The following SKAP1 variants were observed in gnomAD, a reference collection of about 807,000 sequenced individuals.
SKAP1 encodes src kinase associated phosphoprotein 1.
Under a neutral mutation model 58.5 loss-of-function variants are expected in SKAP1, and 44 were observed. The observed-to-expected ratio is 0.75, with a 90% CI of 0.59 to 0.97. The LOEUF (loss-of-function observed/expected upper bound fraction) is 0.97, where lower values mean the gene tolerates loss of function less well. Among genes scored for constraint, SKAP1 ranks in the 50% least tolerant of loss-of-function variants. The pLI is 0.00. For missense variants in SKAP1, 390 were observed against 435.2 expected, an observed-to-expected ratio of 0.90 and a Z score of 0.92; for synonymous variants, 127 against 149.7, an observed-to-expected ratio of 0.85 and a Z score of 1.11.
intron 9 of SKAP1, among the ~76,000 whole-genome samples, chr17:48,171,093 GTTTTTTTT>G (rs71141969): frequency 4.3e-5 from 3 of 70,242 alleles, no homozygotes; most frequent in Non-Finnish European, 7.3e-5. Flanking sequence ...AATTACTGTT[GTTTTTTTT>G]TTTTTTTTTT....
chr17:48,257,703 C>T (rs1411624229), intron 4 of SKAP1, among the ~76,000 whole-genome samples: 2 of 141,700 alleles, frequency 1.4e-5, no homozygotes, highest in African/African-American at 5.2e-5. Context: ...GTCTCTCACA[C>T]TGCTCATCTC....
chr17:48,321,630 G>A lies in SKAP1; in HGVS notation c.280+24275C>T, dbSNP rs976321774. On this transcript the variant is annotated intron_variant, in intron 4 of 12. Transcript: ENST00000336915. ...CCTGACCTTGTGATCCGCCAGCCTC[G>A]GCCTCCCAAAGTGCTGGGATTACAG... Among the ~76,000 whole-genome samples, 8 of 151,996 alleles carry A rather than the reference G, an allele frequency of 5.3e-5. No homozygotes were observed. In the East Asian group the frequency reaches 9.7e-4, roughly 18 times the overall value.
intron 11 of SKAP1, among the ~76,000 whole-genome samples, chr17:48,160,798 A>G (rs1352004272): frequency 6.6e-6 from 1 of 152,236 alleles, no homozygotes; most frequent in African/African-American, 2.4e-5. Flanking sequence ...AGGCCTGGTC[A>G]CACCTGAGTG....
chr17:48,232,056 C>G (rs999457214), intron 4 of SKAP1, among the ~76,000 whole-genome samples: 7 of 152,246 alleles, frequency 4.6e-5, no homozygotes, highest in African/African-American at 1.7e-4. Context: ...TTCTTAACCC[C>G]CTTTTCTTCA....
chr17:48,394,582 C>T (rs2067391974), intron 2 of SKAP1, among the ~76,000 whole-genome samples: 3 of 152,286 alleles, frequency 2.0e-5, no homozygotes, highest in South Asian at 4.1e-4. Flanking sequence ...CTCAAGCGAT[C>T]TTCTGGCCTC....
chr17:48,323,783 C>T (rs1297259405), intron 4 of SKAP1, among the ~76,000 whole-genome samples: 1 of 151,952 alleles, frequency 6.6e-6, no homozygotes, highest in Non-Finnish European at 1.5e-5. Context: ...ACAAGAGGAA[C>T]GATGCTGAGT....
intron 4 of SKAP1, among the ~76,000 whole-genome samples, chr17:48,309,751 T>G: frequency 6.6e-6 from 1 of 152,160 alleles, no homozygotes; most frequent in East Asian, 1.9e-4. Flanking sequence ...GTCATGCAAC[T>G]CTTTATTCTT....
chr17:48,270,005 A>C (rs973192257), intron 4 of SKAP1, among the ~76,000 whole-genome samples: 1 of 151,950 alleles, frequency 6.6e-6, no homozygotes, highest in Non-Finnish European at 1.5e-5. Context: ...CCAGCTACTC[A>C]GGAGGCTGAG....
chr17:48,227,901 T>A (rs149623338), intron 4 of SKAP1, among the ~76,000 whole-genome samples: 5 of 152,308 alleles, frequency 3.3e-5, no homozygotes, highest in African/African-American at 1.2e-4. Context: ...TGCTAAATAG[T>A]GCTTAGAACT....
chr17:48,391,600 T>C (rs975492635), intron 2 of SKAP1, among the ~76,000 whole-genome samples: 3 of 152,150 alleles, frequency 2.0e-5, no homozygotes, highest in African/African-American at 7.2e-5. Flanking sequence ...AACTGATGAG[T>C]TGAGTAATAA....
At chr17:48,263,013 T>C (rs2065501353) in intron 4 of SKAP1, among the ~76,000 whole-genome samples, 1 of 152,226 alleles carries the variant, frequency 6.6e-6, no homozygotes, top group Admixed American at 6.5e-5. Flanking sequence ...TGCATTTTTT[T>C]TCAAATGTCT....
Position 48,234,332 on chromosome 17 carries a change from G to A in SKAP1, c.281-44832C>T, listed in dbSNP as rs530919093. 2.0e-5 allele frequency among the ~76,000 whole-genome samples: 3 copies of A among 152,278 alleles called. No homozygotes were observed. The East Asian group carries it at 5.8e-4, about 29-fold the overall frequency. The stretch of plus-strand genomic sequence containing the variant: ...ATTTTAATTATTCCTAAAAGACTGA[G>A]TATACTCCATTGACTACAATAAAGA... On this transcript the variant is annotated intron_variant, in intron 4 of 12. Coordinates refer to ENST00000336915, the MANE Select transcript of SKAP1 (RefSeq NM_003726.4).
intron 1 of SKAP1, among the ~76,000 whole-genome samples, chr17:48,410,097 G>A (rs991643346): frequency 6.6e-6 from 1 of 152,204 alleles, no homozygotes; most frequent in African/African-American, 2.4e-5. Flanking sequence ...TTTGCCATGG[G>A]TGTATGGGTT....
At position 48,182,400 on chromosome 17, in the gene SKAP1, A is replaced by G; in HGVS notation, c.625T>C (p.Leu209=). The change falls in exon 8 of 13, where the codon TTA becomes CTA. Residue 209 remains leucine (L), a synonymous_variant. Coordinates refer to ENST00000336915, the MANE Select transcript of SKAP1 (RefSeq NM_003726.4). ...CTGTAACAATGACACTTACCCTTTA[A>G]CAAGAAACTTATTTGATCCACCCAG... ...RDWVDQISFL[L]KDLSSLTIPY... is the part of the protein sequence containing the mutation. 2 of 1,605,772 alleles carry G rather than the reference A, an allele frequency of 1.2e-6. No homozygotes were observed. Among genetic ancestry groups the G allele is most frequent in the Non-Finnish European group, 8.5e-7 (1 of 1,174,492 alleles).
intron 1 of SKAP1, chr17:48,397,132 T>C (rs1458513303): frequency 9.8e-6 from 3 of 305,048 alleles, no homozygotes; most frequent in Non-Finnish European, 9.6e-6. Context: ...CTATGACATA[T>C]ATTAGCCATA....
intron 2 of SKAP1, among the ~76,000 whole-genome samples, chr17:48,376,743 G>A (rs1465222396): frequency 6.6e-6 from 1 of 152,178 alleles, no homozygotes; most frequent in East Asian, 1.9e-4. Flanking sequence ...TAAGAGCACA[G>A]AAAACCCAAC....
At chr17:48,408,500 C>T (rs1739325892) in intron 1 of SKAP1, among the ~76,000 whole-genome samples, 1 of 151,902 alleles carries the variant, frequency 6.6e-6, no homozygotes, top group Non-Finnish European at 1.5e-5. Context: ...TCTAAAAGCA[C>T]AGAAAGCAAT....
chr17:48,243,116 AC>A (rs2065259149), intron 4 of SKAP1, among the ~76,000 whole-genome samples: 1 of 152,164 alleles, frequency 6.6e-6, no homozygotes, highest in Non-Finnish European at 1.5e-5. Context: ...ACACACTATT[AC>A]CTTCCAGTCT....
At chr17:48,425,953 A>G (rs2067850146) in intron 1 of SKAP1, among the ~76,000 whole-genome samples, 2 of 152,228 alleles carry the variant, frequency 1.3e-5, no homozygotes, top group African/African-American at 4.8e-5. Context: ...TGCTCTAAAG[A>G]GGTTCATTTG....
Sources: gnomAD v4.1 joint callset for allele counts (sites outside exome capture counted in the v4.1 genomes callset) on GRCh38, gnomAD v4.1.1 for gene constraint, MANE v1.5 for transcripts, NCBI Gene and HGNC (gene_info 2026-07-23, HGNC 2026-07-21) for gene names.